Variants in PLXDC2 observed in about 807,000 individuals in gnomAD.
PLXDC2 encodes the protein plexin domain-containing protein 2.
Under a neutral mutation model 68.9 loss-of-function variants are expected in PLXDC2, and 40 were observed. That is an observed-to-expected ratio of 0.58 (90% CI 0.45 to 0.76). PLXDC2 has a LOEUF of 0.76. Among genes scored for constraint, PLXDC2 ranks in the 30% least tolerant of loss-of-function variants. The pLI is 0.00. For synonymous variants in PLXDC2, 243 were observed against 234.2 expected (o/e 1.04, Z -0.34); for missense variants, 644 against 661.9 (o/e 0.97, Z 0.30).
chr10:20,259,407 A>C (rs539555667), intron 13 of PLXDC2, among the ~76,000 whole-genome samples: 70 of 152,370 alleles, frequency 4.6e-4, no homozygotes, highest in African/African-American at 1.6e-3. Flanking sequence ...CAATGAAAGC[A>C]GCATAATTAT....
chr10:19,836,843 C>G (rs1009971172), intron 1 of PLXDC2, among the ~76,000 whole-genome samples: 1 of 152,136 alleles, frequency 6.6e-6, no homozygotes, highest in Non-Finnish European at 1.5e-5. Flanking sequence ...GTTGTTTTTC[C>G]TCACTGTAAT....
intron 1 of PLXDC2, among the ~76,000 whole-genome samples, chr10:19,898,264 T>C (rs1395366258): frequency 6.6e-6 from 1 of 152,208 alleles, no homozygotes; most frequent in East Asian, 1.9e-4. Flanking sequence ...TATTGTGTGA[T>C]GTTAAGGTTT....
intron 1 of PLXDC2, among the ~76,000 whole-genome samples, chr10:19,844,677 C>T (rs1250851538): frequency 1.3e-5 from 2 of 151,810 alleles, no homozygotes; most frequent in Non-Finnish European, 2.9e-5. Flanking sequence ...CTCACTGCAA[C>T]CTCTGCCTTC....
chr10:20,158,055 C>A (rs1834239683), intron 6 of PLXDC2, among the ~76,000 whole-genome samples: 1 of 151,552 alleles, frequency 6.6e-6, no homozygotes, highest in Non-Finnish European at 1.5e-5. Context: ...AATAATAAAG[C>A]TACATTGTTT....
chr10:19,834,251 A>G (rs937841660), intron 1 of PLXDC2, among the ~76,000 whole-genome samples: 5 of 152,162 alleles, frequency 3.3e-5, no homozygotes, highest in African/African-American at 7.2e-5. Flanking sequence ...CCAGGTTTCA[A>G]TGGACTGGGA....
intron 4 of PLXDC2, among the ~76,000 whole-genome samples, chr10:20,139,485 T>C (rs1039043810): frequency 6.6e-6 from 1 of 152,174 alleles, no homozygotes; most frequent in Non-Finnish European, 1.5e-5. Flanking sequence ...TACAAAGACA[T>C]GTAAATAAAA....
At chr10:20,169,183 A>G (rs1441725170) in intron 7 of PLXDC2, among the ~76,000 whole-genome samples, 1 of 152,170 alleles carries the variant, frequency 6.6e-6, no homozygotes, top group African/African-American at 2.4e-5. Flanking sequence ...CTGATTCTCA[A>G]AAAGTGAATT....
At chr10:20,066,014 G>A (rs1836203905) in intron 3 of PLXDC2, among the ~76,000 whole-genome samples, 1 of 152,246 alleles carries the variant, frequency 6.6e-6, no homozygotes, top group Non-Finnish European at 1.5e-5. Context: ...CAATGATAGT[G>A]ACCGATGTTT....
chr10:20,070,724 T>A (rs1432294211), intron 4 of PLXDC2: 1 of 152,194 alleles, frequency 6.6e-6, no homozygotes, highest in Non-Finnish European at 1.5e-5. Flanking sequence ...CAGTGTTCTA[T>A]TGAATTTTTC....
intron 4 of PLXDC2, among the ~76,000 whole-genome samples, chr10:20,072,957 C>G (rs1167904816): frequency 6.6e-6 from 1 of 152,206 alleles, no homozygotes; most frequent in African/African-American, 2.4e-5. Flanking sequence ...TGCTTGTCAG[C>G]CTTACAAATC....
chr10:20,211,414 A>G (rs1185781388), intron 9 of PLXDC2, among the ~76,000 whole-genome samples: 2 of 152,318 alleles, frequency 1.3e-5, no homozygotes, highest in South Asian at 2.1e-4. Flanking sequence ...TATTCCGTAC[A>G]GTGCAGTTTG....
intron 1 of PLXDC2, among the ~76,000 whole-genome samples, chr10:19,843,108 T>C (rs1836938709): frequency 6.8e-6 from 1 of 147,394 alleles, no homozygotes; most frequent in Non-Finnish European, 1.5e-5. Flanking sequence ...TTTACAACGA[T>C]CTGCCACTGT....
chr10:19,838,373 G>A, intron 1 of PLXDC2, among the ~76,000 whole-genome samples: 1 of 152,226 alleles, frequency 6.6e-6, no homozygotes, highest in East Asian at 1.9e-4. Flanking sequence ...AACAACTCAA[G>A]CTTTTAGTAT....
At chr10:19,956,670 G>A (rs1230619500) in intron 1 of PLXDC2, among the ~76,000 whole-genome samples, 1 of 152,192 alleles carries the variant, frequency 6.6e-6, no homozygotes, top group Admixed American at 6.5e-5. Flanking sequence ...TGGAATAAAA[G>A]ATCAATGAAG....
At chr10:20,224,848 G>C (rs12217926) in intron 12 of PLXDC2, among the ~76,000 whole-genome samples, 35,473 of 151,968 alleles carry the variant, frequency 0.23, 4,158 homozygotes, top group East Asian at 0.27. Context: ...TTAAATATAA[G>C]TTCTTAATTG....
chr10:19,923,444 A>G (rs75373378), intron 1 of PLXDC2, among the ~76,000 whole-genome samples: 6,211 of 152,314 alleles, frequency 0.041, 271 homozygotes, highest in East Asian at 0.21. Context: ...CAAAGGATTT[A>G]TATAATTTTT....
intron 1 of PLXDC2, among the ~76,000 whole-genome samples, chr10:19,861,922 G>C (rs1837326734): frequency 6.6e-6 from 1 of 152,248 alleles, no homozygotes; most frequent in Non-Finnish European, 1.5e-5. Flanking sequence ...TTATTTGTGG[G>C]CTACTCACAT....
intron 10 of PLXDC2, among the ~76,000 whole-genome samples, chr10:20,213,851 ACT>A (rs1219423676): frequency 2.0e-5 from 3 of 151,220 alleles, no homozygotes; most frequent in Non-Finnish European, 4.4e-5. Context: ...ATACTTCTCC[ACT>A]CTCTTTATTT....
intron 1 of PLXDC2, among the ~76,000 whole-genome samples, chr10:19,902,632 AC>A (rs1838178994): frequency 6.6e-6 from 1 of 152,180 alleles, no homozygotes; most frequent in Admixed American, 6.5e-5. Context: ...GCAAACAGCA[AC>A]AGTTTGACTT....
Sources: gnomAD v4.1 joint callset for allele counts (sites outside exome capture counted in the v4.1 genomes callset) on GRCh38, gnomAD v4.1.1 for gene constraint, MANE v1.5 for transcripts, NCBI Gene and HGNC (gene_info 2026-07-23, HGNC 2026-07-21) for gene names.